KIF3A: variants seen among roughly 807,000 people sequenced by gnomAD.
The protein encoded by KIF3A is kinesin-like protein KIF3A.
Under a neutral mutation model 92.6 loss-of-function variants are expected in KIF3A, and 27 were observed. That is an observed-to-expected ratio of 0.29 (90% CI 0.21 to 0.40). KIF3A has a LOEUF of 0.40. KIF3A is among the 10% of genes least tolerant of loss of function. The probability of loss-of-function intolerance (pLI) is 1.00; values close to 1 mark genes in which losing one functional copy is unlikely to be tolerated. For synonymous variants in KIF3A, 250 were observed against 275.4 expected (o/e 0.91, Z 0.92); for missense variants, 581 against 872.6 (o/e 0.67, Z 4.21).
intron 6 of KIF3A, 138 bp downstream of exon 6, chr5:132,716,707 T>A (rs1753637805): frequency 1.0e-6 from 1 of 974,218 alleles, no homozygotes; most frequent in South Asian, 1.6e-5. Context: ...AAATGTTCCA[T>A]AATAAATAAT....
At chr5:132,713,142 C>A (rs777264614) in intron 8 of KIF3A, among the ~76,000 whole-genome samples, 1 of 151,868 alleles carries the variant, frequency 6.6e-6, no homozygotes, top group Admixed American at 6.6e-5. Context: ...GGCAACAGAG[C>A]GAGACTCTGT....
intron 5 of KIF3A, among the ~76,000 whole-genome samples, chr5:132,719,485 T>A (rs555503619): frequency 6.6e-6 from 1 of 152,122 alleles, no homozygotes; most frequent in Non-Finnish European, 1.5e-5. Context: ...TTCTCATCTT[T>A]TACCTCTAAT....
In KIF3A at chr5:132,728,413, C is replaced by T. The variant is rs543065006; in HGVS notation, c.281-1915G>A. Among the ~76,000 whole-genome samples the T allele has an allele frequency of 2.6e-5, 4 of 152,202 alleles. No individual in the cohort carries two copies. In the East Asian group the frequency reaches 7.7e-4, roughly 29 times the overall value. On this transcript the variant is annotated intron_variant, in intron 2 of 18. Coordinates refer to ENST00000403231, the MANE Select transcript of KIF3A (RefSeq NM_001300791.2). Reference sequence around the variant, plus strand: ...TCACCCCAATCCTAAAAAATAGGCACTATTTATTATTATTACTATTATTTA... The same window carrying T: ...TCACCCCAATCCTAAAAAATAGGCATTATTTATTATTATTACTATTATTTA...
intron 18 of KIF3A, among the ~76,000 whole-genome samples, chr5:132,698,729 ATTTTT>A (rs200925076): frequency 7.6e-6 from 1 of 132,146 alleles, no homozygotes; most frequent in Admixed American, 7.9e-5. Flanking sequence ...AAGGAATTTG[ATTTTT>A]TTTTTTTTTT....
At chr5:132,710,444 G>A (rs1007828087) in intron 9 of KIF3A, among the ~76,000 whole-genome samples, 13 of 152,144 alleles carry the variant, frequency 8.5e-5, no homozygotes, top group African/African-American at 1.7e-4. Context: ...GTGAAACCCC[G>A]TCTCTACTAA....
At chr5:132,730,679 C>A (rs1754198084) in intron 2 of KIF3A, among the ~76,000 whole-genome samples, 1 of 151,718 alleles carries the variant, frequency 6.6e-6, no homozygotes, top group Non-Finnish European at 1.5e-5. Flanking sequence ...CATATAGTCC[C>A]ACCTACTCAG....
In KIF3A at chr5:132,703,453, T is replaced by C. The variant is rs771992265; in HGVS notation, c.1466+10A>G. ...AAATCATGAATTCATCTCAATTCAA[T>C]AATACTCACTGGGCTTTAAGAAGAT... is the stretch of plus-strand genomic sequence containing the variant. On this transcript the variant is annotated intron_variant, in intron 12 of 18. Transcript: ENST00000403231. The C allele has an allele frequency of 1.9e-5, 30 of 1,591,122 alleles. No homozygotes were observed. In the East Asian group the frequency reaches 6.7e-4, roughly 36 times the overall value.
At chr5:132,703,355 G>A (rs1003813990) in intron 12 of KIF3A, 108 bp downstream of exon 12, 1 of 923,666 alleles carries the variant, frequency 1.1e-6, no homozygotes, top group African/African-American at 1.7e-5. Flanking sequence ...AGCTACACTG[G>A]AGACAAAAAT....
intron 9 of KIF3A, among the ~76,000 whole-genome samples, chr5:132,709,470 A>G (rs1753340455): frequency 6.6e-6 from 1 of 152,238 alleles, no homozygotes; most frequent in Admixed American, 6.5e-5. Flanking sequence ...ACTATCAAAT[A>G]TGTTTAAGGT....
At chr5:132,713,928 A>G (rs914027614) in intron 8 of KIF3A, among the ~76,000 whole-genome samples, 1 of 114,346 alleles carries the variant, frequency 8.7e-6, no homozygotes, top group East Asian at 2.3e-4. Flanking sequence ...TGGGAGTCTC[A>G]CTCTGCCACC....
In KIF3A at chr5:132,723,022, G is replaced by C. The variant is rs139514214; in HGVS notation, c.511-2308C>G. On this transcript the variant is annotated intron_variant, in intron 4 of 18. Transcript: ENST00000403231. ...GAATTTTTTAAAAAGTATGTGTATAGGTAGATTTTATTAATGTCACATATG... is the reference window on the plus strand; with the variant it reads ...GAATTTTTTAAAAAGTATGTGTATACGTAGATTTTATTAATGTCACATATG... 9 of 152,178 alleles carry C rather than the reference G, an allele frequency of 5.9e-5. No homozygotes were observed. In the East Asian group the frequency reaches 1.5e-3, roughly 26 times the overall value. The allele number at this position is 152,178 out of a possible 1,614,324, so 9.4% of individuals were successfully genotyped here.
intron 18 of KIF3A, among the ~76,000 whole-genome samples, chr5:132,698,762 C>G (rs1468217): frequency 0.61 from 86,031 of 140,998 alleles, 27,360 homozygotes; most frequent in Non-Finnish European, 0.73. Context: ...CCAAGTCTTG[C>G]TCTGTCACCC....
At chr5:132,704,977 C>T (rs1325143581) in intron 11 of KIF3A, among the ~76,000 whole-genome samples, 1 of 151,724 alleles carries the variant, frequency 6.6e-6, no homozygotes, top group Non-Finnish European at 1.5e-5. Flanking sequence ...ACTGTAAGTC[C>T]AGAGCAAACC....
At chr5:132,699,467 A>G (rs1416208802) in intron 17 of KIF3A, 172 bp from the exon 18 acceptor site, 1 of 683,706 alleles carries the variant, frequency 1.5e-6, no homozygotes, top group Non-Finnish European at 2.6e-6. Context: ...GTACTTAATA[A>G]AGGTTGGTGA....
chr5:132,698,796 CTCAT>C, intron 18 of KIF3A, among the ~76,000 whole-genome samples: 1 of 2,854 alleles, frequency 3.5e-4, no homozygotes, highest in Non-Finnish European at 8.5e-4. Context: ...GTGGCATGAT[CTCAT>C]GATCTCGGCT....
rs770570878 is a variant in KIF3A, at chr5:132,720,902, TATTTC to T, written c.511-193_511-189del. On this transcript the variant is annotated intron_variant, in intron 4 of 18. Transcript: ENST00000403231. ...GAAGAATTACACATAAAAATTATTT[TATTTC>T]AATTGTGATGACATGAAGAAAAATA... Among the ~76,000 whole-genome samples, 55 of 152,332 alleles carry T rather than the reference TATTTC, an allele frequency of 3.6e-4. 1 individual carries two copies. Among genetic ancestry groups the T allele is most frequent in the Admixed American group, 5.9e-4 (9 of 15,290 alleles).
intron 4 of KIF3A, chr5:132,723,599 G>A (rs1482183345): frequency 6.6e-6 from 1 of 152,228 alleles, no homozygotes; most frequent in East Asian, 1.9e-4. Flanking sequence ...CTAGCCATAT[G>A]TAGAAAGCTG....
At chr5:132,726,001 T>TTA (rs1177160897) in intron 4 of KIF3A, 127 bp downstream of exon 4, 5 of 591,644 alleles carry the variant, frequency 8.5e-6, no homozygotes, top group Non-Finnish European at 1.2e-5. Flanking sequence ...ATGTACGACA[T>TTA]TATATATGTA....
chr5:132,726,915 C>T (rs1009064880), intron 2 of KIF3A, among the ~76,000 whole-genome samples: 1 of 152,138 alleles, frequency 6.6e-6, no homozygotes, highest in Non-Finnish European at 1.5e-5. Context: ...TAGCCACTGA[C>T]CTTGGACAAG....
Sources: allele counts gnomAD v4.1 joint callset (sites outside exome capture counted in the v4.1 genomes callset), GRCh38; gene constraint gnomAD v4.1.1; transcripts MANE v1.5; gene names NCBI Gene and HGNC (gene_info 2026-07-23, HGNC 2026-07-21).